RPS24: variants seen among roughly 807,000 people sequenced by gnomAD.
RPS24 encodes small ribosomal subunit protein eS24.
For synonymous variants in RPS24, 72 were observed against 55.6 expected (o/e 1.30, Z -1.31); for missense variants, 100 against 162.5 (o/e 0.62, Z 2.09).
chr10:78,045,869 G>A (rs1487056269), intron 4 of RPS24, among the ~76,000 whole-genome samples: 1 of 152,164 alleles, frequency 6.6e-6, no homozygotes, highest in African/African-American at 2.4e-5. Flanking sequence ...GGGCGTGGTG[G>A]TGCGTGCCTG....
chr10:78,053,197 AAAG>A (rs1458997272), intron 4 of RPS24, among the ~76,000 whole-genome samples: 1 of 151,412 alleles, frequency 6.6e-6, no homozygotes, highest in Non-Finnish European at 1.5e-5. Flanking sequence ...AAAAAAAAAA[AAAG>A]AAAAGAAAAA....
exon 5 of RPS24, chr10:78,054,531 A>T (rs1038249524): frequency 6.5e-7 from 1 of 1,533,816 alleles, no homozygotes; most frequent in Non-Finnish European, 8.8e-7. Flanking sequence ...GCTTTTGCAG[A>T]TGAGGGAATT....
chr10:78,042,682 G>C (rs141529458), downstream of RPS24, among the ~76,000 whole-genome samples: 2 of 152,282 alleles, frequency 1.3e-5, no homozygotes, highest in African/African-American at 4.8e-5. Flanking sequence ...CTGATGGGAA[G>C]CTGTGGCTTA....
At chr10:78,035,260 AATTG>A in intron 1 of RPS24, 88 bp from the exon 2 acceptor site, 1 of 1,287,472 alleles carries the variant, frequency 7.8e-7, no homozygotes, top group Non-Finnish European at 1.1e-6. Context: ...AATGGCTACA[AATTG>A]GACTGCAACA....
downstream of RPS24, among the ~76,000 whole-genome samples, chr10:78,044,763 CAGGG>C (rs995019174): frequency 6.7e-6 from 1 of 149,526 alleles, no homozygotes; most frequent in African/African-American, 2.5e-5. Context: ...GAGAATAAAT[CAGGG>C]AGGATCTTGT....
chr10:78,048,289 A>C (rs1589334840), intron 4 of RPS24, among the ~76,000 whole-genome samples: 1 of 152,162 alleles, frequency 6.6e-6, no homozygotes, highest in East Asian at 1.9e-4. Context: ...CACTGTTTGG[A>C]AGAAGGAAAA....
At position 78,040,224 on chromosome 10, in the gene RPS24, A is replaced by G. The variant is rs1338173838; in HGVS notation, c.*18A>G. On this transcript the variant is annotated splice_region_variant and 3_prime_UTR_variant, in exon 5 of 6. Transcript: ENST00000372360. ...TTCAGTGAGCTGGAGATTGGATCAC[A>G]GGTATAATTCAAGCTTTTCATGTAG... 3.1e-6 allele frequency: 5 copies of G among 1,613,266 alleles called. No individual in the cohort carries two copies. Among genetic ancestry groups the G allele is most frequent in the Admixed American group, 1.7e-5 (1 of 60,010 alleles).
intron 4 of RPS24, among the ~76,000 whole-genome samples, chr10:78,052,980 C>T (rs1848114179): frequency 6.6e-6 from 1 of 151,862 alleles, no homozygotes; most frequent in Non-Finnish European, 1.5e-5. Flanking sequence ...GGTGAAATCC[C>T]ACCTCTACTA....
chr10:78,036,309 CTT>C (rs891740637), intron 3 of RPS24: 2 of 155,552 alleles, frequency 1.3e-5, no homozygotes, highest in East Asian at 1.8e-4. Context: ...AGAGGCTGCA[CTT>C]TTTTTTTTAG....
chr10:78,047,436 C>T (rs1328956744), intron 4 of RPS24, among the ~76,000 whole-genome samples: 2 of 152,104 alleles, frequency 1.3e-5, no homozygotes, highest in East Asian at 1.9e-4. Flanking sequence ...GAAATAAAGA[C>T]GTGTGATGCA....
chr10:78,054,864 C>T (rs1437373559), exon 5 of RPS24: 4 of 1,549,572 alleles, frequency 2.6e-6, no homozygotes, highest in Admixed American at 2.0e-5. Context: ...TGACTTGGTC[C>T]TCCACTTGCC....
intron 4 of RPS24, among the ~76,000 whole-genome samples, chr10:78,046,346 C>CTTTTTTTTTTTTTT (rs57003851): frequency 1.6e-5 from 2 of 126,154 alleles, no homozygotes; most frequent in African/African-American, 6.8e-5. Context: ...TCTCATTTAC[C>CTTTTTTTTTTTTTT]TTTTTTTTTT....
At chr10:78,056,747 C>G (rs1332077754) in exon 5 of RPS24, 1 of 152,148 alleles carries the variant, frequency 6.6e-6, no homozygotes, top group Non-Finnish European at 1.5e-5. Context: ...CTCAAGCCTC[C>G]CTGAAGTATC....
chr10:78,040,765 A>G (rs1847976201), downstream of RPS24: 2 of 1,143,710 alleles, frequency 1.7e-6, no homozygotes, highest in East Asian at 2.5e-5. Flanking sequence ...TGCTGATTTC[A>G]GTTGCTGTCC....
chr10:78,046,346 C>CTTTTTTTTTTTTTTTTT (rs57003851), intron 4 of RPS24, among the ~76,000 whole-genome samples: 1 of 126,152 alleles, frequency 7.9e-6, no homozygotes, highest in African/African-American at 3.4e-5. Flanking sequence ...TCTCATTTAC[C>CTTTTTTTTTTTTTTTTT]TTTTTTTTTT....
At chr10:78,054,019 C>T (rs1345240828) in intron 4 of RPS24, among the ~76,000 whole-genome samples, 1 of 152,158 alleles carries the variant, frequency 6.6e-6, no homozygotes, top group Non-Finnish European at 1.5e-5. Flanking sequence ...AGTTTCCTAC[C>T]TCCTAGTCAC....
At position 78,040,688 on chromosome 10, in the gene RPS24, A is replaced by G. The variant is rs1847974676; in HGVS notation, c.*93A>G. The G allele has an allele frequency of 1.3e-5, 21 of 1,613,040 alleles. No individual in the cohort carries two copies. The South Asian group carries it at 2.0e-4, about 15-fold the overall frequency. On this transcript the variant is annotated 3_prime_UTR_variant, in exon 6 of 6. Coordinates refer to ENST00000372360, the MANE Select transcript of RPS24 (RefSeq NM_033022.4). ...TTTTTCGCAAGAACATTAATAAACTAAAAACTTCATGTGTCTGGTTGTTTG... is the reference window on the plus strand; with the variant it reads ...TTTTTCGCAAGAACATTAATAAACTGAAAACTTCATGTGTCTGGTTGTTTG...
chr10:78,043,313 G>A (rs968057741), downstream of RPS24, among the ~76,000 whole-genome samples: 1 of 152,146 alleles, frequency 6.6e-6, no homozygotes. Context: ...TAATCTGCAT[G>A]TTAACTCCAA....
At position 78,054,728 on chromosome 10, in the gene RPS24, G is replaced by A. The variant is rs1564633609; in HGVS notation, c.588G>A (p.Trp196Ter). The change falls in exon 5 of 5, where the codon TGG becomes TGA. Residue 196 changes from tryptophan (W) to a stop codon, truncating the protein, a stop_gained. Transcript: ENST00000440692. LOFTEE classifies it low-confidence loss of function (END_TRUNC). ...AGTATTTACAGGTGGCCGTTACCTG[G>A]AGGAAGACTGAAAACAGAGAACAGT... 2 of 1,551,698 alleles carry A rather than the reference G, an allele frequency of 1.3e-6. No individual in the cohort carries two copies. Among genetic ancestry groups the A allele is most frequent in the Non-Finnish European group, 1.7e-6 (2 of 1,146,994 alleles).
Sources: gnomAD v4.1 joint callset for allele counts (sites outside exome capture counted in the v4.1 genomes callset) on GRCh38, gnomAD v4.1.1 for gene constraint, MANE v1.5 for transcripts, NCBI Gene and HGNC (gene_info 2026-07-23, HGNC 2026-07-21) for gene names.